Variants in TBCEL observed in about 807,000 individuals in gnomAD.
The protein encoded by TBCEL is tubulin-specific chaperone cofactor E-like protein.
Under a neutral mutation model 44.2 loss-of-function variants are expected in TBCEL, and 15 were observed. The ratio of observed to expected loss-of-function variants is 0.34; its 90% CI spans 0.23 to 0.52. The LOEUF is 0.52. TBCEL is among the 20% of genes least tolerant of loss of function. The pLI, the probability that TBCEL is intolerant of heterozygous loss-of-function variation, is 0.95. For synonymous variants in TBCEL, 171 were observed against 185.4 expected, an observed-to-expected ratio of 0.92 and a Z score of 0.63; for missense variants, 319 against 506.3, an observed-to-expected ratio of 0.63 and a Z score of 3.55.
chr11:121,064,698 A>G (rs1476921807), intron 8 of TBCEL, among the ~76,000 whole-genome samples: 1 of 152,124 alleles, frequency 6.6e-6, no homozygotes, highest in Non-Finnish European at 1.5e-5. Context: ...CTACTTCCTA[A>G]TATATTTTCA....
chr11:121,040,118 C>G (rs999877775), intron 2 of TBCEL, among the ~76,000 whole-genome samples: 10 of 152,258 alleles, frequency 6.6e-5, no homozygotes, highest in African/African-American at 2.4e-4. Flanking sequence ...ATTGTAGTAA[C>G]TTGAAACCTG....
intron 1 of TBCEL, among the ~76,000 whole-genome samples, chr11:121,028,076 A>G (rs1378738760): frequency 3.3e-5 from 5 of 151,758 alleles, no homozygotes; most frequent in African/African-American, 1.2e-4. Context: ...ATAGTGGTAT[A>G]TGCCTGTAGT....
rs184921047 is a variant in TBCEL, at chr11:121,028,856, G to T, written c.-126+4565G>T. ...TGTTTAAAGTCATAAAGGTGTTTCC[G>T]CCTTCTTTAGAAGAATTGGTATCAA... is the stretch of plus-strand genomic sequence containing the variant. On this transcript the variant is annotated intron_variant, in intron 1 of 8. Transcript: ENST00000683345. Among the ~76,000 whole-genome samples, 686 of 152,204 alleles carry T rather than the reference G, an allele frequency of 4.5e-3. 5 individuals are homozygous for T. The highest frequency in any genetic ancestry group is 0.014 in the Middle Eastern group (4 of 294).
At position 121,088,203 on chromosome 11, in the gene TBCEL, C is replaced by G. The variant is rs1270091064; in HGVS notation, c.*1107C>G. On this transcript the variant is annotated 3_prime_UTR_variant, in exon 9 of 9. Transcript: ENST00000683345. ...TGCATTAAAAGTGGGAAACATTAAT[C>G]AAAGGGAGATTTTATTCCCAGGTTT... 2 of 152,192 alleles carry G rather than the reference C, an allele frequency of 1.3e-5. No homozygotes were observed. The highest frequency in any genetic ancestry group is 2.9e-5 in the Non-Finnish European group (2 of 68,016). 9.4% of individuals were successfully genotyped at this position (152,192 alleles called of 1,614,324 possible). A position where few individuals can be genotyped will look rare whatever the true frequency, so the allele number is the denominator to read the frequency against.
chr11:121,063,085 C>T (rs1717980108), intron 8 of TBCEL, among the ~76,000 whole-genome samples: 1 of 152,122 alleles, frequency 6.6e-6, no homozygotes, highest in South Asian at 2.1e-4. Flanking sequence ...ATTTCTCACT[C>T]GCCTTTACTT....
intron 3 of TBCEL, among the ~76,000 whole-genome samples, chr11:121,046,676 A>T (rs1591390266): frequency 6.6e-6 from 1 of 152,212 alleles, no homozygotes; most frequent in East Asian, 1.9e-4. Context: ...GTCTCCATTA[A>T]TAAAGTACTA....
At chr11:121,056,338 C>T (rs1945620583) in intron 6 of TBCEL, among the ~76,000 whole-genome samples, 1 of 151,698 alleles carries the variant, frequency 6.6e-6, no homozygotes, top group Admixed American at 6.6e-5. Context: ...GAATACTATT[C>T]CATTTTCTGG....
chr11:121,051,016 A>T (rs1377812906), intron 4 of TBCEL, among the ~76,000 whole-genome samples: 1 of 151,704 alleles, frequency 6.6e-6, no homozygotes, highest in Non-Finnish European at 1.5e-5. Context: ...TGTGTAATGA[A>T]TATTATGTCT....
intron 8 of TBCEL, among the ~76,000 whole-genome samples, chr11:121,076,137 C>A (rs940999515): frequency 3.6e-4 from 55 of 152,018 alleles, no homozygotes; most frequent in African/African-American, 1.3e-3. Flanking sequence ...CAACTTTGAT[C>A]TTTTTCAGCA....
chr11:121,045,417 A>G (rs898456325), intron 2 of TBCEL, among the ~76,000 whole-genome samples: 2 of 152,000 alleles, frequency 1.3e-5, no homozygotes, highest in African/African-American at 4.8e-5. Context: ...GAAGTGATCA[A>G]CTCCTCTTCT....
At chr11:121,062,336 T>A (rs767632619) in intron 8 of TBCEL, among the ~76,000 whole-genome samples, 1 of 152,104 alleles carries the variant, frequency 6.6e-6, no homozygotes, top group Non-Finnish European at 1.5e-5. Context: ...GAAATAATGA[T>A]AAATAGTATA....
chr11:121,057,671 C>T (rs1945646314), intron 6 of TBCEL: 2 of 450,064 alleles, frequency 4.4e-6, no homozygotes, highest in Non-Finnish European at 8.9e-6. Flanking sequence ...ATTCCCTAAA[C>T]AATACAGTAT....
At chr11:121,058,256 G>T in intron 6 of TBCEL, 89 bp from the exon 7 acceptor site, 1 of 1,415,690 alleles carries the variant, frequency 7.1e-7, no homozygotes, top group South Asian at 1.2e-5. Context: ...CATTTCAGAA[G>T]TTACTAATTG....
intron 4 of TBCEL, among the ~76,000 whole-genome samples, chr11:121,049,930 T>G (rs1945500351): frequency 6.6e-6 from 1 of 151,832 alleles, no homozygotes; most frequent in African/African-American, 2.4e-5. Flanking sequence ...TACTTATTTA[T>G]ACTGTATTTA....
intron 8 of TBCEL, among the ~76,000 whole-genome samples, chr11:121,074,353 G>A (rs911323026): frequency 4.6e-5 from 7 of 151,868 alleles, no homozygotes; most frequent in East Asian, 3.9e-4. Flanking sequence ...TATTTTGTGC[G>A]TAATTTTTGT....
chr11:121,076,928 A>G (rs908347950), intron 8 of TBCEL, among the ~76,000 whole-genome samples: 6 of 152,012 alleles, frequency 3.9e-5, no homozygotes, highest in African/African-American at 1.2e-4. Flanking sequence ...CATTTTTCTT[A>G]CTTGATGTAT....
At chr11:121,027,123 T>C (rs1225237331) in intron 1 of TBCEL, among the ~76,000 whole-genome samples, 4 of 152,232 alleles carry the variant, frequency 2.6e-5, no homozygotes, top group Admixed American at 1.3e-4. Context: ...TACTTAGTCC[T>C]GGGCTGTGTT....
chr11:121,069,785 G>A (rs1945891419), intron 8 of TBCEL, among the ~76,000 whole-genome samples: 1 of 151,274 alleles, frequency 6.6e-6, no homozygotes, highest in South Asian at 2.1e-4. Flanking sequence ...AAGCTAGACT[G>A]TCTGAAAAAA....
chr11:121,067,051 C>T (rs1399804425), intron 8 of TBCEL, among the ~76,000 whole-genome samples: 1 of 152,178 alleles, frequency 6.6e-6, no homozygotes, highest in East Asian at 1.9e-4. Flanking sequence ...TTATTTTCCT[C>T]TCGTGTCAGT....
Sources: gnomAD v4.1 joint callset for allele counts (sites outside exome capture counted in the v4.1 genomes callset) on GRCh38, gnomAD v4.1.1 for gene constraint, MANE v1.5 for transcripts, NCBI Gene and HGNC (gene_info 2026-07-23, HGNC 2026-07-21) for gene names.